SACS: variants seen among roughly 807,000 people sequenced by gnomAD.
SACS encodes sacsin molecular chaperone.
Under a neutral mutation model 348.0 loss-of-function variants are expected in SACS, and 197 were observed. The observed-to-expected ratio is 0.57, with a 90% CI of 0.50 to 0.64. The LOEUF is 0.64. Ranked by LOEUF, SACS falls within the 30% of genes least tolerant of loss-of-function variation. The pLI, the probability that SACS is intolerant of heterozygous loss-of-function variation, is 0.00. For synonymous variants in SACS, 1,985 were observed against 1,910.6 expected, an observed-to-expected ratio of 1.04 and a Z score of -1.02; for missense variants, 4,999 against 5,360.8, an observed-to-expected ratio of 0.93 and a Z score of 2.11.
chr13:23,418,489 G>A (rs1345926910), intron 1 of SACS, among the ~76,000 whole-genome samples: 4 of 150,690 alleles, frequency 2.7e-5, no homozygotes, highest in Non-Finnish European at 5.9e-5. Context: ...CCACATTTGA[G>A]TGCTTCAGTA....
In SACS at chr13:23,336,170, T is replaced by A. The variant is rs780375090; in HGVS notation, c.7706A>T (p.Gln2569Leu). The change falls in exon 10 of 10, where the codon CAG (glutamine) becomes CTG (leucine). Residue 2569 changes from glutamine (Q) to leucine (L), a missense_variant. By Grantham distance (113) the Gln-to-Leu change is moderately radical. Around this residue, in one of 6 missense-constraint regions of SACS, gnomAD observed 3,156 missense variants for 3,380.1 expected, o/e 0.93. Coordinates refer to ENST00000382292, the MANE Select transcript of SACS (RefSeq NM_014363.6). ...ATCAAATATTCTATCAACTGGATGC[T>A]GTCTAGGATCAAACACAAAACAGAT... ...TEICFVFDPR[Q>L]HPVDRIFDDK... 1.9e-6 allele frequency: 3 copies of A among 1,613,932 alleles called. No individual in the cohort carries two copies. The South Asian group carries it at 3.3e-5, about 18-fold the overall frequency.
In SACS at chr13:23,332,654, A is replaced by G; in HGVS notation, c.11222T>C (p.Leu3741Pro). Residue 3741 changes from leucine to proline, a missense_variant, in exon 10 of 10, where the codon CTG becomes CCG. Leu to Pro is a moderately conservative substitution (Grantham distance 98). This residue lies in a region of SACS where 831 missense variants were observed against 941.8 expected (regional missense o/e 0.88). Coordinates refer to ENST00000382292, the MANE Select transcript of SACS (RefSeq NM_014363.6). ...EQVLNMLNVN[L>P]DPPLDKVINN... is the part of the protein sequence containing the mutation. ...GATTACCTTATCAAGAGGAGGATCC[A>G]GGTTAACATTAAGCATATTTAAAAC... 6.2e-7 allele frequency: 1 copy of G among 1,613,802 alleles called. No individual in the cohort carries two copies. Among genetic ancestry groups the G allele is most frequent in the Non-Finnish European group, 8.5e-7 (1 of 1,179,942 alleles).
chr13:23,421,858 A>G (rs911202541), intron 1 of SACS, among the ~76,000 whole-genome samples: 1 of 151,632 alleles, frequency 6.6e-6, no homozygotes, highest in African/African-American at 2.4e-5. Flanking sequence ...TGGCCCTGGT[A>G]TTTACCTGGG....
intron 1 of SACS, chr13:23,428,377 T>C (rs1275351881): frequency 6.6e-6 from 1 of 152,132 alleles, no homozygotes; most frequent in Non-Finnish European, 1.5e-5. Context: ...AAGACTAAAT[T>C]GGTTTAAAAA....
At position 23,336,970 on chromosome 13, in the gene SACS, T is replaced by C. The variant is rs1868670065; in HGVS notation, c.6906A>G (p.Lys2302=). The change falls in exon 10 of 10, where the codon AAA becomes AAG. Residue 2302 remains lysine (K), a synonymous_variant. Coordinates refer to ENST00000382292, the MANE Select transcript of SACS (RefSeq NM_014363.6). The part of the protein sequence containing the change: ...LVINQLKEVA[K]SVDDGITLYQ... ...ACAGTGTAATTCCATCATCAACTGATTTTGCTACTTCTTTCAATTGGTTTA... is the reference window on the plus strand; with the variant it reads ...ACAGTGTAATTCCATCATCAACTGACTTTGCTACTTCTTTCAATTGGTTTA... The C allele has an allele frequency of 6.2e-7, 1 of 1,613,986 alleles. No homozygotes were observed. Among genetic ancestry groups the C allele is most frequent in the Non-Finnish European group, 8.5e-7 (1 of 1,179,878 alleles).
rs144715822 is a variant in SACS at position 23,338,485 on chromosome 13, C to G, written c.5391G>C (p.Lys1797Asn). The change falls in exon 10 of 10, where the codon AAG (lysine) becomes AAC (asparagine). Residue 1797 changes from lysine to asparagine, a missense_variant. By Grantham distance (94) the Lys-to-Asn change is moderately conservative. Around this residue, in one of 6 missense-constraint regions of SACS, gnomAD observed 3,156 missense variants for 3,380.1 expected, o/e 0.93. Coordinates refer to ENST00000382292, the MANE Select transcript of SACS (RefSeq NM_014363.6). ...CTGATGGCTTTTTTGATTGGCCAGA[C>G]TTAGCCATTTCAAAGAGAGCAGCTG... is the stretch of plus-strand genomic sequence containing the variant. Reference protein sequence around the residue: ...DDPAALFEMAKSGQSKKPSDE... With the variant: ...DDPAALFEMANSGQSKKPSDE... 7.7e-5 allele frequency: 125 copies of G among 1,614,066 alleles called. No homozygotes were observed. Among genetic ancestry groups the G allele is most frequent in the Non-Finnish European group, 1.0e-4 (119 of 1,180,020 alleles).
rs1281179006 is a variant in SACS, at chr13:23,333,492, G to A, written c.10384C>T (p.Leu3462=). The change falls in exon 10 of 10, where the codon CTA becomes TTA. Residue 3462 remains leucine (L), a synonymous_variant. Coordinates refer to ENST00000382292, the MANE Select transcript of SACS (RefSeq NM_014363.6). ...GGTACACAACCAATCACCTCATATA[G>A]TTCTTTTAAGTGTATTTTTTCTTCA... ...FLEEKIHLKE[L]YEVIGCVPVD... 10 of 1,613,244 alleles carry A rather than the reference G, an allele frequency of 6.2e-6. No individual in the cohort carries two copies. The highest frequency in any genetic ancestry group is 7.6e-6 in the Non-Finnish European group (9 of 1,179,490).
chr13:23,345,887 A>G (rs965266387), intron 9 of SACS, among the ~76,000 whole-genome samples: 2 of 152,140 alleles, frequency 1.3e-5, no homozygotes, highest in African/African-American at 4.8e-5. Flanking sequence ...CCACTAGTTG[A>G]GTCAAAAATT....
chr13:23,433,092 T>C (rs951011361), intron 1 of SACS, among the ~76,000 whole-genome samples: 1 of 152,216 alleles, frequency 6.6e-6, no homozygotes, highest in Non-Finnish European at 1.5e-5. Context: ...AAGATAACCA[T>C]AACATATGGC....
Position 23,354,918 on chromosome 13 carries a change from AT to A in SACS, c.1693del (p.Ile565LeufsTer20). The A allele has an allele frequency of 3.7e-6, 6 of 1,614,224 alleles. No homozygotes were observed. The highest frequency in any genetic ancestry group is 5.1e-6 in the Non-Finnish European group (6 of 1,180,040). On this transcript the variant is annotated frameshift_variant, in exon 8 of 10. Coordinates refer to ENST00000382292, the MANE Select transcript of SACS (RefSeq NM_014363.6). LOFTEE classifies it high-confidence loss of function. ...ELLQNAVIYS[I>X]SCDWVRLEQV... ...CTCCAACCTGACCCAGTCACAGCTA[AT>A]TGAATAAATCACTGCATTCTGCAAC...
Position 23,331,843 on chromosome 13 carries a change from G to T in SACS, c.12033C>A (p.Phe4011Leu), listed in dbSNP as rs2137561724. The change falls in exon 10 of 10, where the codon TTC (phenylalanine) becomes TTA (leucine). Residue 4011 changes from phenylalanine (F) to leucine (L), a missense_variant. Phe to Leu is a conservative substitution (Grantham distance 22). This residue lies in a region of SACS where 831 missense variants were observed against 941.8 expected (regional missense o/e 0.88). Coordinates refer to ENST00000382292, the MANE Select transcript of SACS (RefSeq NM_014363.6). ...TCATAATTCTAATCAGTCCTGTAATGAACTGTTCAGAAGACAAGAGTAACT... is the reference window on the plus strand; with the variant it reads ...TCATAATTCTAATCAGTCCTGTAATTAACTGTTCAGAAGACAAGAGTAACT... ...RLQLLLSSEQ[F>L]ITGLIRIMKH... 3 of 1,613,968 alleles carry T rather than the reference G, an allele frequency of 1.9e-6. No homozygotes were observed. Among genetic ancestry groups the T allele is most frequent in the Middle Eastern group, 1.6e-4 (1 of 6,062 alleles).
chr13:23,340,514 T>G lies in SACS; in HGVS notation c.3362A>C (p.Gln1121Pro), dbSNP rs965722662. ...EALQVGACPD[Q>P]DVLLKKAKTL... ...TTTGGCTTTCTTCAGAAGAACATCTTGATCAGGACAAGCACCGACCTGTAA... is the reference window on the plus strand; with the variant it reads ...TTTGGCTTTCTTCAGAAGAACATCTGGATCAGGACAAGCACCGACCTGTAA... Residue 1121 changes from glutamine (Q) to proline (P), a missense_variant, in exon 10 of 10, where the codon CAA becomes CCA. Transcript: ENST00000382292. The G allele has an allele frequency of 6.2e-6, 10 of 1,611,350 alleles. No individual in the cohort carries two copies. Among genetic ancestry groups the G allele is most frequent in the Non-Finnish European group, 8.5e-6 (10 of 1,179,020 alleles).
intron 3 of SACS, among the ~76,000 whole-genome samples, chr13:23,373,001 T>A (rs955220358): frequency 6.6e-6 from 1 of 152,010 alleles, no homozygotes; most frequent in African/African-American, 2.4e-5. Flanking sequence ...TCCCAAACAG[T>A]CAACACACCC....
chr13:23,391,147 C>T (rs1195942280), intron 2 of SACS, among the ~76,000 whole-genome samples: 8 of 152,250 alleles, frequency 5.3e-5, no homozygotes, highest in Non-Finnish European at 1.2e-4. Flanking sequence ...GGAATCTGCA[C>T]ACTGAGTTTG....
Position 23,332,771 on chromosome 13 carries a change from G to GTCCATAACAGCTGGAGTAC in SACS, c.11086_11104dup (p.Thr3702SerfsTer22). 1 of 1,613,970 alleles carries GTCCATAACAGCTGGAGTAC rather than the reference G, an allele frequency of 6.2e-7. No individual in the cohort carries two copies. Among genetic ancestry groups the GTCCATAACAGCTGGAGTAC allele is most frequent in the Non-Finnish European group, 8.5e-7 (1 of 1,179,946 alleles). On this transcript the variant is annotated frameshift_variant, in exon 10 of 10. Transcript: ENST00000382292. LOFTEE classifies it high-confidence loss of function. ...TTTCTCTGGAAGAATAGGGCAGGAT[G>GTCCATAACAGCTGGAGTAC]TCCATAACAGCTGGAGTACATCACA...
intron 2 of SACS, among the ~76,000 whole-genome samples, chr13:23,403,063 A>G (rs1873051237): frequency 6.6e-6 from 1 of 152,108 alleles, no homozygotes; most frequent in Admixed American, 6.5e-5. Flanking sequence ...CCGTAATCCC[A>G]GCTACTCGGG....
chr13:23,361,381 G>T (rs1870725752), intron 6 of SACS, among the ~76,000 whole-genome samples: 1 of 152,146 alleles, frequency 6.6e-6, no homozygotes, highest in Non-Finnish European at 1.5e-5. Flanking sequence ...CAGTCTCATT[G>T]GTTCACTCTC....
At chr13:23,413,706 C>A (rs1873589580) in intron 1 of SACS, among the ~76,000 whole-genome samples, 1 of 152,080 alleles carries the variant, frequency 6.6e-6, no homozygotes, top group African/African-American at 2.4e-5. Context: ...CAGTAACTTG[C>A]TATAATTAAA....
In SACS at chr13:23,354,554, T is replaced by C. The variant is rs1870198249; in HGVS notation, c.2058A>G (p.Gln686=). The C allele has an allele frequency of 6.2e-7, 1 of 1,614,044 alleles. No homozygotes were observed. Among genetic ancestry groups the C allele is most frequent in the African/African-American group, 1.3e-5 (1 of 74,924 alleles). ...CTGCTGAGGTAATATAAATGACATC[T>C]TGGTCTGATACAGATGAGGAGAAGG... ...FVPFSSSVSD[Q]DVIYITSAEY... is the part of the protein sequence containing the mutation. The change falls in exon 8 of 10, where the codon CAA becomes CAG. Residue 686 remains glutamine (Q), a synonymous_variant. Transcript: ENST00000382292.
Sources: allele counts gnomAD v4.1 joint callset (sites outside exome capture counted in the v4.1 genomes callset), GRCh38; gene constraint gnomAD v4.1.1; regional missense constraint gnomAD v4.1.1; transcripts MANE v1.5; gene names NCBI Gene and HGNC (gene_info 2026-07-23, HGNC 2026-07-21).